EDNRA: variants seen among roughly 807,000 people sequenced by gnomAD.
EDNRA encodes endothelin-1 receptor.
In EDNRA, 11 loss-of-function variants were observed where a neutral mutation model predicts 41.4. That is an observed-to-expected ratio of 0.27 (90% CI 0.17 to 0.44). The LOEUF (loss-of-function observed/expected upper bound fraction) is 0.44, where lower values mean the gene tolerates loss of function less well. Among genes scored for constraint, EDNRA ranks in the 20% least tolerant of loss-of-function variants. The probability of loss-of-function intolerance (pLI) is 1.00; values close to 1 mark genes in which losing one functional copy is unlikely to be tolerated. For synonymous variants in EDNRA, 172 were observed against 183.0 expected (o/e 0.94, Z 0.49); for missense variants, 294 against 531.0 (o/e 0.55, Z 4.39).
chr4:147,526,706 A>G (rs1730563959), intron 3 of EDNRA, among the ~76,000 whole-genome samples: 1 of 152,226 alleles, frequency 6.6e-6, no homozygotes, highest in Non-Finnish European at 1.5e-5. Context: ...CAGCCTTAGG[A>G]GGCCGAAGCA....
At chr4:147,516,611 G>A (rs550059462) in intron 2 of EDNRA, among the ~76,000 whole-genome samples, 2 of 152,114 alleles carry the variant, frequency 1.3e-5, no homozygotes, top group Non-Finnish European at 2.9e-5. Flanking sequence ...AAATATTAGG[G>A]TACATAGACT....
intron 2 of EDNRA, among the ~76,000 whole-genome samples, chr4:147,505,326 C>CTTTTTTTTTTTTTTTTTTTTTTTTTT (rs1729660192): frequency 3.7e-5 from 3 of 81,994 alleles, no homozygotes; most frequent in African/African-American, 1.6e-4. Context: ...TTTCTTTTTT[C>CTTTTTTTTTTTTTTTTTTTTTTTTTT]ATTTTTTTTT....
chr4:147,542,338 C>A, intron 7 of EDNRA, 140 bp from the exon 8 acceptor site: 2 of 1,118,276 alleles, frequency 1.8e-6, no homozygotes, highest in Non-Finnish European at 2.5e-6. Context: ...ACAGGCTCTC[C>A]ACTCTAGGTT....
intron 2 of EDNRA, chr4:147,490,712 G>A (rs529374644): frequency 1.3e-5 from 2 of 152,262 alleles, no homozygotes; most frequent in East Asian, 3.9e-4. Context: ...TGATTCATGA[G>A]ATTACATGTA....
At chr4:147,537,046 G>A (rs1349087975) in intron 5 of EDNRA, among the ~76,000 whole-genome samples, 2 of 152,168 alleles carry the variant, frequency 1.3e-5, no homozygotes, top group African/African-American at 4.8e-5. Context: ...TAAGTTCCCT[G>A]TTGCAACAGA....
chr4:147,526,556 A>G (rs551260170), intron 3 of EDNRA, among the ~76,000 whole-genome samples: 5 of 152,234 alleles, frequency 3.3e-5, no homozygotes, highest in Admixed American at 3.3e-4. Flanking sequence ...TTCTAGCCAC[A>G]CTCAATTGAT....
chr4:147,508,108 TC>T (rs1729785965), intron 2 of EDNRA, among the ~76,000 whole-genome samples: 1 of 152,186 alleles, frequency 6.6e-6, no homozygotes, highest in Non-Finnish European at 1.5e-5. Context: ...TTTCTTCATG[TC>T]TTTTGAAGAG....
chr4:147,542,422 T>C lies in EDNRA; in HGVS notation c.1144-56T>C. The C allele has an allele frequency of 5.6e-6, 9 of 1,610,082 alleles. No individual in the cohort carries two copies. In the South Asian group the frequency reaches 8.8e-5, roughly 16 times the overall value. On this transcript the variant is annotated intron_variant, in intron 7 of 7. Transcript: ENST00000651419. ...TTAGCATGGCCCAGGGCCGCTGTGTTTGGCCGGGAATGGGCTGGTAGGCTC... is the reference window on the plus strand; with the variant it reads ...TTAGCATGGCCCAGGGCCGCTGTGTCTGGCCGGGAATGGGCTGGTAGGCTC...
chr4:147,527,530 A>T (rs912608211), intron 3 of EDNRA, among the ~76,000 whole-genome samples: 2 of 152,186 alleles, frequency 1.3e-5, no homozygotes, highest in African/African-American at 4.8e-5. Context: ...AGAAAAGAAT[A>T]AAAAAATAGA....
At chr4:147,511,585 G>A (rs1729926759) in intron 2 of EDNRA, among the ~76,000 whole-genome samples, 1 of 152,134 alleles carries the variant, frequency 6.6e-6, no homozygotes, top group Non-Finnish European at 1.5e-5. Context: ...TAAATCAGCT[G>A]CATACTTTCA....
At chr4:147,490,466 A>G (rs1578775282) in intron 2 of EDNRA, 1 of 152,208 alleles carries the variant, frequency 6.6e-6, no homozygotes, top group East Asian at 1.9e-4. Flanking sequence ...ACCCAAGCTT[A>G]TAACCCATAC....
intron 5 of EDNRA, among the ~76,000 whole-genome samples, chr4:147,537,953 G>A (rs953903662): frequency 1.8e-4 from 27 of 152,276 alleles, no homozygotes; most frequent in African/African-American, 5.8e-4. Context: ...CTAATACTCT[G>A]TGGGGCTCAT....
At chr4:147,527,706 A>G (rs1322344141) in intron 3 of EDNRA, among the ~76,000 whole-genome samples, 3 of 152,238 alleles carry the variant, frequency 2.0e-5, no homozygotes, top group African/African-American at 7.2e-5. Flanking sequence ...AAATCTATTT[A>G]TAGGCACACG....
intron 3 of EDNRA, among the ~76,000 whole-genome samples, chr4:147,522,397 G>C (rs1392839099): frequency 1.3e-5 from 2 of 152,024 alleles, no homozygotes; most frequent in East Asian, 1.9e-4. Flanking sequence ...AATTAGCCAG[G>C]CATGCTGGTA....
At chr4:147,532,473 C>T (rs769620819) in intron 3 of EDNRA, 33 bp from the exon 4 acceptor site, 13 of 1,603,264 alleles carry the variant, frequency 8.1e-6, no homozygotes, top group Admixed American at 1.7e-5. Flanking sequence ...TTAAAATTTC[C>T]TAACAACTTG....
chr4:147,525,606 A>AAAAAG (rs1367992559), intron 3 of EDNRA, among the ~76,000 whole-genome samples: 24 of 151,338 alleles, frequency 1.6e-4, no homozygotes, highest in African/African-American at 5.8e-4. Flanking sequence ...AAAAAAAAAA[A>AAAAAG]AAGCAGCAGC....
intron 6 of EDNRA, 111 bp downstream of exon 6, chr4:147,540,061 T>C: frequency 7.0e-7 from 1 of 1,431,378 alleles, no homozygotes; most frequent in South Asian, 1.5e-5. Flanking sequence ...AAATTAAAAC[T>C]GCAAAGTTGA....
chr4:147,534,180 T>C (rs9307838), intron 4 of EDNRA, among the ~76,000 whole-genome samples: 54,875 of 151,998 alleles, frequency 0.36, 12,394 homozygotes, highest in African/African-American at 0.64. Flanking sequence ...TCTGCAGCTG[T>C]TTCTGCATCA....
chr4:147,501,580 T>C (rs958146794), intron 2 of EDNRA, among the ~76,000 whole-genome samples: 1 of 152,220 alleles, frequency 6.6e-6, no homozygotes, highest in Non-Finnish European at 1.5e-5. Flanking sequence ...TGTTTCTTCA[T>C]GCAAATATAA....
Sources: allele counts gnomAD v4.1 joint callset (sites outside exome capture counted in the v4.1 genomes callset), GRCh38; gene constraint gnomAD v4.1.1; transcripts MANE v1.5; gene names NCBI Gene and HGNC (gene_info 2026-07-23, HGNC 2026-07-21).